Variants in CDKAL1 observed in about 807,000 individuals in gnomAD.
CDKAL1 encodes the protein CDKAL1 threonylcarbamoyladenosine tRNA methylthiotransferase, also known as threonylcarbamoyladenosine tRNA methylthiotransferase.
A neutral mutation model predicts 68.2 loss-of-function variants in CDKAL1; 32 were observed. The observed-to-expected ratio is 0.47, with a 90% CI of 0.35 to 0.63. The LOEUF is 0.63. Among genes scored for constraint, CDKAL1 ranks in the 30% least tolerant of loss-of-function variants. The probability of loss-of-function intolerance (pLI) is 0.00; values close to 1 mark genes in which losing one functional copy is unlikely to be tolerated. For missense variants in CDKAL1, 606 were observed against 696.7 expected (o/e 0.87, Z 1.47); for synonymous variants, 234 against 244.3 (o/e 0.96, Z 0.39).
chr6:21,087,788 A>T, intron 12 of CDKAL1, among the ~76,000 whole-genome samples: 1 of 151,274 alleles, frequency 6.6e-6, no homozygotes, highest in Non-Finnish European at 1.5e-5. Flanking sequence ...ACAGATATGC[A>T]TGCATGCGTG....
chr6:21,168,779 C>A (rs191727228), intron 13 of CDKAL1, among the ~76,000 whole-genome samples: 1 of 152,266 alleles, frequency 6.6e-6, no homozygotes, highest in Non-Finnish European at 1.5e-5. Context: ...ACCAACAGAG[C>A]CTTGATCAAC....
chr6:21,102,663 G>A (rs942176512), intron 12 of CDKAL1, among the ~76,000 whole-genome samples: 17 of 152,074 alleles, frequency 1.1e-4, no homozygotes, highest in Non-Finnish European at 1.6e-4. Context: ...TGTTTCTGTC[G>A]TGTAAACCAG....
chr6:20,931,528 G>A (rs528354904), intron 9 of CDKAL1, among the ~76,000 whole-genome samples: 10 of 152,120 alleles, frequency 6.6e-5, no homozygotes, highest in Non-Finnish European at 1.2e-4. Context: ...GGATTAAAGC[G>A]CAATTAAGTT....
At chr6:20,617,491 A>G (rs532732403) in intron 4 of CDKAL1, among the ~76,000 whole-genome samples, 7 of 152,302 alleles carry the variant, frequency 4.6e-5, no homozygotes, top group Admixed American at 6.5e-5. Flanking sequence ...ATAGATATAC[A>G]TGTGCCATGT....
intron 10 of CDKAL1, among the ~76,000 whole-genome samples, chr6:20,964,511 G>T (rs1765206864): frequency 6.6e-6 from 1 of 152,160 alleles, no homozygotes; most frequent in South Asian, 2.1e-4. Context: ...CATGGATGGA[G>T]CTGGAAGCCA....
At position 21,108,365 on chromosome 6, in the gene CDKAL1, A is replaced by G. The variant is rs1326938465; in HGVS notation, c.1237-36A>G. 3.5e-6 allele frequency: 5 copies of G among 1,413,882 alleles called. No individual in the cohort carries two copies. In the African/African-American group the frequency reaches 4.3e-5, roughly 12 times the overall value. 87.6% of individuals were successfully genotyped at this position (1,413,882 alleles called of 1,614,324 possible). On this transcript the variant is annotated intron_variant, in intron 12 of 15. Coordinates refer to ENST00000274695, the MANE Select transcript of CDKAL1 (RefSeq NM_017774.3). ...ATCTGCTGTCAACTCAATTGTTTGT[A>G]TGTTGGTTTTTTGTTTTTTTTGTTT...
chr6:20,536,503 A>G (rs550825748), intron 2 of CDKAL1, among the ~76,000 whole-genome samples: 40 of 152,210 alleles, frequency 2.6e-4, no homozygotes, highest in Admixed American at 1.8e-3. Context: ...TGAAAAAAAA[A>G]CTACGCTTTC....
intron 4 of CDKAL1, among the ~76,000 whole-genome samples, chr6:20,579,731 C>T (rs62400064): frequency 1.3e-5 from 2 of 152,194 alleles, no homozygotes; most frequent in South Asian, 2.1e-4. Context: ...GCCTCAGCCT[C>T]CCCTCTCCCT....
At chr6:21,137,227 T>G (rs1258516866) in intron 13 of CDKAL1, among the ~76,000 whole-genome samples, 1 of 152,238 alleles carries the variant, frequency 6.6e-6, no homozygotes, top group Non-Finnish European at 1.5e-5. Flanking sequence ...ATTCCTTATT[T>G]TATAATTTAC....
intron 8 of CDKAL1, among the ~76,000 whole-genome samples, chr6:20,824,173 A>G (rs1777404112): frequency 6.6e-6 from 1 of 152,120 alleles, no homozygotes; most frequent in Non-Finnish European, 1.5e-5. Flanking sequence ...TCTAGTCTGT[A>G]GTGCAGTTAA....
At chr6:21,183,015 T>G (rs1777850606) in intron 13 of CDKAL1, among the ~76,000 whole-genome samples, 1 of 152,180 alleles carries the variant, frequency 6.6e-6, no homozygotes, top group Non-Finnish European at 1.5e-5. Flanking sequence ...AATCTAAAAT[T>G]CATGTATGCA....
intron 11 of CDKAL1, among the ~76,000 whole-genome samples, chr6:21,003,343 AAT>A (rs71540608): frequency 0.012 from 474 of 40,412 alleles, 32 homozygotes; most frequent in South Asian, 0.041. Context: ...ATCTCTACTA[AAT>A]ATATATATAT....
chr6:20,715,577 G>A (rs1015898382), intron 5 of CDKAL1, among the ~76,000 whole-genome samples: 2 of 152,138 alleles, frequency 1.3e-5, no homozygotes, highest in African/African-American at 4.8e-5. Flanking sequence ...TGCCCAGAAG[G>A]TAGATTGCTG....
intron 2 of CDKAL1, among the ~76,000 whole-genome samples, chr6:20,536,913 G>T (rs1253272842): frequency 6.6e-6 from 1 of 152,188 alleles, no homozygotes; most frequent in Non-Finnish European, 1.5e-5. Flanking sequence ...ACATTGCTTT[G>T]CAACTGTGGC....
At chr6:20,639,000 G>A (rs1169259688) in intron 4 of CDKAL1, among the ~76,000 whole-genome samples, 1 of 152,070 alleles carries the variant, frequency 6.6e-6, no homozygotes, top group Non-Finnish European at 1.5e-5. Flanking sequence ...AATTTAATTT[G>A]GAATGAGGAT....
intron 5 of CDKAL1, among the ~76,000 whole-genome samples, chr6:20,726,018 GT>G (rs200085537): frequency 3.2e-4 from 48 of 150,378 alleles, no homozygotes; most frequent in Non-Finnish European, 5.5e-4. Context: ...CCTAAAATAC[GT>G]TTTTTTTTCT....
intron 12 of CDKAL1, among the ~76,000 whole-genome samples, chr6:21,071,347 T>G (rs1034833285): frequency 3.9e-5 from 6 of 152,130 alleles, no homozygotes; most frequent in African/African-American, 1.4e-4. Flanking sequence ...CTCTCCTCTC[T>G]CCTGCCACCT....
chr6:20,571,354 T>C (rs1192693251), intron 4 of CDKAL1, among the ~76,000 whole-genome samples: 1 of 83,374 alleles, frequency 1.2e-5, no homozygotes, highest in African/African-American at 3.7e-5. Context: ...TTGTGTTATG[T>C]ATTCAGCAGT....
At chr6:20,915,272 A>G (rs1762671600) in intron 9 of CDKAL1, among the ~76,000 whole-genome samples, 2 of 152,138 alleles carry the variant, frequency 1.3e-5, no homozygotes, top group African/African-American at 4.8e-5. Flanking sequence ...CTTCAGAGCA[A>G]CAGAACCATT....
Sources: allele counts gnomAD v4.1 joint callset (sites outside exome capture counted in the v4.1 genomes callset), GRCh38; gene constraint gnomAD v4.1.1; transcripts MANE v1.5; gene names NCBI Gene and HGNC (gene_info 2026-07-23, HGNC 2026-07-21).